The following FAM114A1 variants were observed in gnomAD, a reference collection of about 807,000 sequenced individuals.
FAM114A1 encodes the protein protein NOXP20.
Under a neutral mutation model 64.3 loss-of-function variants are expected in FAM114A1, and 62 were observed. The observed-to-expected ratio is 0.96, with a 90% CI of 0.79 to 1.19. FAM114A1 has a LOEUF of 1.19. FAM114A1 is among the 50% of genes most tolerant of loss of function. FAM114A1 has a pLI of 0.00. For synonymous variants in FAM114A1, 254 were observed against 251.1 expected (o/e 1.01, Z -0.11); for missense variants, 645 against 676.3 (o/e 0.95, Z 0.51).
At chr4:38,940,893 G>C in intron 13 of FAM114A1, 75 bp from the exon 14 acceptor site, 1 of 1,451,118 alleles carries the variant, frequency 6.9e-7, no homozygotes, top group Non-Finnish European at 9.7e-7. Flanking sequence ...AACAAAGCTA[G>C]TGTATTACAT....
intron 3 of FAM114A1, 115 bp downstream of exon 3, chr4:38,878,541 A>G (rs1404194484): frequency 2.6e-6 from 2 of 777,772 alleles, no homozygotes; most frequent in South Asian, 1.9e-5. Context: ...GTACTGTGAC[A>G]TCCCCTCTGT....
At chr4:38,942,006 G>T (rs1038831941) in intron 14 of FAM114A1, among the ~76,000 whole-genome samples, 1 of 152,152 alleles carries the variant, frequency 6.6e-6, no homozygotes, top group Admixed American at 6.5e-5. Flanking sequence ...TAGGTGAAAG[G>T]CACATCTCAC....
intron 3 of FAM114A1, among the ~76,000 whole-genome samples, chr4:38,885,307 T>A (rs1579307983): frequency 1.3e-5 from 2 of 150,748 alleles, no homozygotes; most frequent in African/African-American, 4.9e-5. Context: ...TCTCTCTCTC[T>A]CTCTGTTGCC....
chr4:38,932,180 T>C, intron 11 of FAM114A1, 55 bp from the exon 12 acceptor site: 1 of 1,543,738 alleles, frequency 6.5e-7, no homozygotes, highest in Non-Finnish European at 8.7e-7. Flanking sequence ...ACAGCATTTT[T>C]TTAAAAAAGC....
At position 38,945,422 on chromosome 4, in the gene FAM114A1, G is replaced by T. The variant is rs1721892183; in HGVS notation, c.*1865G>T. ...CAATACACCTGCTTCACAGCCCCAT[G>T]GACATCCCTACAGGTACTGTCATGT... On this transcript the variant is annotated 3_prime_UTR_variant, in exon 15 of 15. Transcript: ENST00000358869. 6.6e-6 allele frequency: 1 copy of T among 152,150 alleles called. No individual in the cohort carries two copies. Among genetic ancestry groups the T allele is most frequent in the Admixed American group, 6.5e-5 (1 of 15,274 alleles). 9.4% of individuals were successfully genotyped at this position (152,150 alleles called of 1,614,324 possible). A position where few individuals can be genotyped will look rare whatever the true frequency, so the allele number is the denominator to read the frequency against.
intron 8 of FAM114A1, among the ~76,000 whole-genome samples, chr4:38,921,492 G>A (rs904807937): frequency 1.3e-5 from 2 of 152,156 alleles, no homozygotes; most frequent in Non-Finnish European, 2.9e-5. Context: ...AAACTCCTGG[G>A]CTCAAGTGAT....
chr4:38,934,481 C>T (rs1720918380), intron 12 of FAM114A1, among the ~76,000 whole-genome samples: 1 of 152,112 alleles, frequency 6.6e-6, no homozygotes, highest in Non-Finnish European at 1.5e-5. Context: ...TTTATCAAAG[C>T]AAAACTTACC....
intron 4 of FAM114A1, among the ~76,000 whole-genome samples, chr4:38,899,874 A>G (rs968731403): frequency 6.6e-6 from 1 of 152,170 alleles, no homozygotes; most frequent in Non-Finnish European, 1.5e-5. Context: ...ATTAATTACT[A>G]TCTAATTTGC....
At chr4:38,908,765 A>G (rs778914166) in intron 7 of FAM114A1, 39 bp downstream of exon 7, 14 of 1,481,092 alleles carry the variant, frequency 9.5e-6, no homozygotes, top group African/African-American at 1.4e-5. Flanking sequence ...CTTTCAGTCA[A>G]TAAAGTAAAT....
At chr4:38,939,183 T>C (rs972978527) in intron 13 of FAM114A1, among the ~76,000 whole-genome samples, 2 of 152,204 alleles carry the variant, frequency 1.3e-5, no homozygotes, top group African/African-American at 4.8e-5. Context: ...TATATTTATA[T>C]GTACACACAT....
In FAM114A1 at chr4:38,878,197, C is replaced by T. The variant is rs34137542; in HGVS notation, c.119C>T (p.Ser40Leu). Residue 40 changes from serine to leucine, a missense_variant, in exon 3 of 15, where the codon TCA becomes TTA. By Grantham distance (145) the Ser-to-Leu change is moderately radical (BLOSUM62 -2). Coordinates refer to ENST00000358869, the MANE Select transcript of FAM114A1 (RefSeq NM_138389.4). ...GTGCATTGTGATTCAGCTGCAGTTT[C>T]ACATGAGCCAACACCAGCTGACCCC... ...AEVHCDSAAV[S>L]HEPTPADPRG... 5,788 of 1,614,246 alleles carry T rather than the reference C, an allele frequency of 3.6e-3. 72 individuals carry two copies. Among genetic ancestry groups the T allele is most frequent in the African/African-American group, 0.024 (1,815 of 75,062 alleles).
chr4:38,882,103 G>C (rs2109564121), intron 3 of FAM114A1, among the ~76,000 whole-genome samples: 1 of 150,656 alleles, frequency 6.6e-6, no homozygotes, highest in Middle Eastern at 3.6e-3. Context: ...ATGAGGTCAG[G>C]AGATCGAGAC....
intron 7 of FAM114A1, among the ~76,000 whole-genome samples, chr4:38,911,838 T>C (rs1718561427): frequency 8.0e-6 from 1 of 125,432 alleles, no homozygotes; most frequent in Non-Finnish European, 1.8e-5. Context: ...TCTTCTTTTT[T>C]TTTTTCTTTT....
At chr4:38,905,929 A>C in intron 6 of FAM114A1, 68 bp downstream of exon 6, 1 of 1,372,026 alleles carries the variant, frequency 7.3e-7, no homozygotes, top group South Asian at 1.3e-5. Context: ...ATTTCCATTT[A>C]CCAGTGACCT....
chr4:38,871,073 CTTTTTTTTCTTTCTT>C (rs942823425), intron 2 of FAM114A1, among the ~76,000 whole-genome samples: 4 of 135,802 alleles, frequency 2.9e-5, no homozygotes, highest in African/African-American at 5.4e-5. Flanking sequence ...GCATGGCTTT[CTTTTTTTTCTTTCTT>C]TTTTTTTTTT....
At chr4:38,901,341 T>A (rs1410522067) in intron 4 of FAM114A1, among the ~76,000 whole-genome samples, 1 of 151,932 alleles carries the variant, frequency 6.6e-6, no homozygotes, top group East Asian at 1.9e-4. Flanking sequence ...CAGGCTGGAG[T>A]GCGATGGTGC....
rs201887140 is a variant in FAM114A1, at chr4:38,922,753, C to T, written c.946-17C>T. The stretch of plus-strand genomic sequence containing the variant: ...GAAGAAAAGATGACAGTCGTGCTGA[C>T]CTATTTCTTTTTTCAGGTTCAGTCA... On this transcript the variant is annotated splice_polypyrimidine_tract_variant and intron_variant, in intron 8 of 14. Coordinates refer to ENST00000358869, the MANE Select transcript of FAM114A1 (RefSeq NM_138389.4). The T allele has an allele frequency of 2.6e-5, 42 of 1,605,260 alleles. No individual in the cohort carries two copies. The highest frequency in any genetic ancestry group is 3.4e-5 in the Non-Finnish European group (40 of 1,177,440).
At chr4:38,923,015 G>A in intron 9 of FAM114A1, 122 bp downstream of exon 9, 1 of 1,144,166 alleles carries the variant, frequency 8.7e-7, no homozygotes, top group Non-Finnish European at 1.2e-6. Flanking sequence ...GCTTCCAAAA[G>A]ACACTGTGCA....
At chr4:38,940,532 A>G (rs903151365) in intron 13 of FAM114A1, among the ~76,000 whole-genome samples, 1 of 152,344 alleles carries the variant, frequency 6.6e-6, no homozygotes, top group East Asian at 1.9e-4. Flanking sequence ...TTAAAATAAA[A>G]GTGCCAAAAT....
Sources: allele counts gnomAD v4.1 joint callset (sites outside exome capture counted in the v4.1 genomes callset), GRCh38; gene constraint gnomAD v4.1.1; transcripts MANE v1.5; gene names NCBI Gene and HGNC (gene_info 2026-07-23, HGNC 2026-07-21).